Variants in KIF3A observed in about 807,000 individuals in gnomAD.
The protein encoded by KIF3A is kinesin-like protein KIF3A.
KIF3A carries 27 observed loss-of-function variants against 92.6 expected under a neutral mutation model. The observed-to-expected ratio is 0.29, with a 90% CI of 0.21 to 0.40. KIF3A has a LOEUF of 0.40. KIF3A is among the 10% of genes least tolerant of loss of function. The pLI is 1.00. For missense variants in KIF3A, 581 were observed against 872.6 expected (o/e 0.67, Z 4.21); for synonymous variants, 250 against 275.4 (o/e 0.91, Z 0.92).
intron 1 of KIF3A, 72 bp downstream of exon 1, chr5:132,737,342 G>T: frequency 6.5e-7 from 1 of 1,532,860 alleles, no homozygotes; most frequent in Non-Finnish European, 8.8e-7. Context: ...GCGCCTCCAT[G>T]GCAACGGCCG....
At chr5:132,732,819 G>A (rs960101262) in intron 2 of KIF3A, among the ~76,000 whole-genome samples, 3 of 151,734 alleles carry the variant, frequency 2.0e-5, no homozygotes, top group African/African-American at 7.3e-5. Context: ...TGAGGCAGGA[G>A]AATCGCTTGA....
intron 15 of KIF3A, among the ~76,000 whole-genome samples, chr5:132,701,153 G>C (rs1339891878): frequency 6.6e-6 from 1 of 151,048 alleles, no homozygotes; most frequent in Non-Finnish European, 1.5e-5. Flanking sequence ...AAATGACTAA[G>C]ACTTATTTTC....
intron 2 of KIF3A, among the ~76,000 whole-genome samples, chr5:132,731,423 A>G (rs1448272750): frequency 6.6e-6 from 1 of 152,242 alleles, no homozygotes; most frequent in Non-Finnish European, 1.5e-5. Context: ...GTGCAGAAAA[A>G]AAATTACATT....
chr5:132,724,519 C>A (rs1753935389), intron 4 of KIF3A, among the ~76,000 whole-genome samples: 1 of 151,918 alleles, frequency 6.6e-6, no homozygotes, highest in Admixed American at 6.6e-5. Flanking sequence ...TGGAAACCAG[C>A]ATTCTCAGCA....
In KIF3A at chr5:132,716,897, A is replaced by G. The variant is rs1212557589; in HGVS notation, c.704T>C (p.Ile235Thr). Reference protein sequence around the residue: ...TITIECSEKGIDGNMHVRMGK... With the variant: ...TITIECSEKGTDGNMHVRMGK... ...CATCCTGACATGCATGTTACCATCA[A>G]TGCCTTTTTCACTGCATTCTATAGT... Residue 235 changes from isoleucine (I) to threonine (T), a missense_variant, in exon 6 of 19, where the codon ATT becomes ACT. By Grantham distance (89) the Ile-to-Thr change is moderately conservative. Around this residue, in one of 5 missense-constraint regions of KIF3A, gnomAD observed 217 missense variants for 299.7 expected, o/e 0.72. Transcript: ENST00000403231. The G allele has an allele frequency of 2.5e-6, 4 of 1,614,060 alleles. No homozygotes were observed. The highest frequency in any genetic ancestry group is 1.7e-5 in the Admixed American group (1 of 60,014).
At chr5:132,712,548 G>C (rs116635287) in intron 8 of KIF3A, among the ~76,000 whole-genome samples, 218 of 152,248 alleles carry the variant, frequency 1.4e-3, no homozygotes, top group African/African-American at 5.1e-3. Flanking sequence ...AAATAACATT[G>C]AGCAAATGCC....
chr5:132,703,124 C>A, intron 12 of KIF3A, 59 bp from the exon 13 acceptor site: 3 of 1,424,370 alleles, frequency 2.1e-6, no homozygotes, highest in Non-Finnish European at 2.9e-6. Context: ...CTACTAATAT[C>A]ATTTCCCAAA....
At chr5:132,716,816 T>C in intron 6 of KIF3A, 29 bp downstream of exon 6, 1 of 1,603,876 alleles carries the variant, frequency 6.2e-7, no homozygotes, top group Non-Finnish European at 8.5e-7. Context: ...AAGAAAGAGT[T>C]ATTCCTTAAG....
chr5:132,691,014 C>G (rs1170770782), downstream of KIF3A, among the ~76,000 whole-genome samples: 3 of 152,160 alleles, frequency 2.0e-5, no homozygotes, highest in African/African-American at 7.2e-5. Context: ...AGTTCTTAAG[C>G]CTGCCAGTCA....
intron 4 of KIF3A, among the ~76,000 whole-genome samples, chr5:132,725,806 C>T (rs1158449475): frequency 6.6e-6 from 1 of 152,152 alleles, no homozygotes; most frequent in Admixed American, 6.6e-5. Context: ...TGTTACTCTA[C>T]ATACATTATT....
chr5:132,716,823 T>C (rs1483330731), intron 6 of KIF3A, 22 bp downstream of exon 6: 1 of 1,609,540 alleles, frequency 6.2e-7, no homozygotes, highest in Non-Finnish European at 8.5e-7. Flanking sequence ...AGTTATTCCT[T>C]AAGCAGTGTC....
chr5:132,734,370 C>T lies in KIF3A; in HGVS notation c.115G>A (p.Val39Met). 6.2e-7 allele frequency: 1 copy of T among 1,614,182 alleles called. No individual in the cohort carries two copies. Among genetic ancestry groups the T allele is most frequent in the Non-Finnish European group, 8.5e-7 (1 of 1,180,026 alleles). Reference sequence around the variant, plus strand: ...GTGATAGTTCCCCTCATCTCATCCACACTGACAGCCTGTTTGTAGCACATT... The same window carrying T: ...GTGATAGTTCCCCTCATCTCATCCATACTGACAGCCTGTTTGTAGCACATT... Reference protein sequence around the residue: ...KSMCYKQAVSVDEMRGTITVH... With the variant: ...KSMCYKQAVSMDEMRGTITVH... Residue 39 changes from valine (V) to methionine (M), a missense_variant, in exon 2 of 19, where the codon GTG (valine) becomes ATG (methionine). This residue lies in a region of KIF3A where 217 missense variants were observed against 299.7 expected (regional missense o/e 0.72). Coordinates refer to ENST00000403231, the MANE Select transcript of KIF3A (RefSeq NM_001300791.2).
At chr5:132,723,747 T>A (rs1753906336) in intron 4 of KIF3A, 1 of 152,156 alleles carries the variant, frequency 6.6e-6, no homozygotes, top group Non-Finnish European at 1.5e-5. Flanking sequence ...TGGCAAGAAC[T>A]TCATGTCTAA....
chr5:132,733,997 T>G (rs1353918778), intron 2 of KIF3A, among the ~76,000 whole-genome samples: 1 of 152,168 alleles, frequency 6.6e-6, no homozygotes, highest in Non-Finnish European at 1.5e-5. Context: ...AGAAAGCAGA[T>G]CAATAGTTGC....
At chr5:132,691,449 A>T (rs1752661423), downstream of KIF3A, among the ~76,000 whole-genome samples, 1 of 152,006 alleles carries the variant, frequency 6.6e-6, no homozygotes. Context: ...CTGAAGGCTG[A>T]GGCAGGAGAA....
chr5:132,699,112 T>C lies in KIF3A; in HGVS notation c.2132+59A>G, dbSNP rs13357045. The C allele has an allele frequency of 5.1e-3, 7,430 of 1,464,872 alleles. 294 individuals carry two copies. In the African/African-American group the frequency reaches 0.089, roughly 18 times the overall value. The allele number at this position is 1,464,872 out of a possible 1,614,324, so 90.7% of individuals were successfully genotyped here. ...TAAATAAATTTTAACTTCCTGTACA[T>C]GTATCTAATTAGAATACCTCAATGC... On this transcript the variant is annotated intron_variant, in intron 18 of 18. Coordinates refer to ENST00000403231, the MANE Select transcript of KIF3A (RefSeq NM_001300791.2).
At chr5:132,732,241 C>A (rs532675397) in intron 2 of KIF3A, among the ~76,000 whole-genome samples, 11 of 152,264 alleles carry the variant, frequency 7.2e-5, no homozygotes, top group Admixed American at 7.2e-4. Context: ...GGTGTAGCTA[C>A]TGTAGAAAAG....
At chr5:132,730,522 CAT>C (rs1247261308) in intron 2 of KIF3A, among the ~76,000 whole-genome samples, 28 of 151,024 alleles carry the variant, frequency 1.9e-4, no homozygotes, top group Non-Finnish European at 3.4e-4. Context: ...CACGGTAGCT[CAT>C]GTCTGTAATC....
intron 10 of KIF3A, among the ~76,000 whole-genome samples, chr5:132,707,625 T>C (rs1645639254): frequency 6.6e-6 from 1 of 152,202 alleles, no homozygotes. Context: ...CAAATTATCC[T>C]TTGAAATGAA....
Sources: gnomAD v4.1 joint callset for allele counts (sites outside exome capture counted in the v4.1 genomes callset) on GRCh38, gnomAD v4.1.1 for gene constraint, gnomAD v4.1.1 regional missense constraint, MANE v1.5 for transcripts, NCBI Gene and HGNC (gene_info 2026-07-23, HGNC 2026-07-21) for gene names.